The following VPS54 variants were observed in gnomAD, a reference collection of about 807,000 sequenced individuals.
VPS54 encodes vacuolar protein sorting-associated protein 54.
A neutral mutation model predicts 121.5 loss-of-function variants in VPS54; 45 were observed. The ratio of observed to expected loss-of-function variants is 0.37; its 90% CI spans 0.29 to 0.47. VPS54 has a LOEUF of 0.47. Ranked by LOEUF, VPS54 falls within the 20% of genes least tolerant of loss-of-function variation. The pLI, the probability that VPS54 is intolerant of heterozygous loss-of-function variation, is 0.99. For missense variants in VPS54, 1,090 were observed against 1,131.4 expected (o/e 0.96, Z 0.52); for synonymous variants, 371 against 385.8 (o/e 0.96, Z 0.45).
At chr2:63,971,509 G>C (rs1279539007) in intron 4 of VPS54, among the ~76,000 whole-genome samples, 2 of 152,218 alleles carry the variant, frequency 1.3e-5, no homozygotes, top group African/African-American at 4.8e-5. Flanking sequence ...ACAGTTCCTT[G>C]AATATTCTGT....
intron 1 of VPS54, among the ~76,000 whole-genome samples, chr2:63,997,443 T>C (rs910289633): frequency 2.6e-5 from 4 of 152,208 alleles, no homozygotes; most frequent in African/African-American, 4.8e-5. Flanking sequence ...TGTACGTATA[T>C]AGGAATTTAT....
chr2:63,915,871 G>A (rs990459792), intron 16 of VPS54, among the ~76,000 whole-genome samples: 3 of 152,032 alleles, frequency 2.0e-5, no homozygotes, highest in Non-Finnish European at 4.4e-5. Flanking sequence ...AAATAAAAAC[G>A]GTAAGACCTC....
intron 7 of VPS54, among the ~76,000 whole-genome samples, chr2:63,961,013 C>G (rs1015385816): frequency 6.6e-6 from 1 of 152,196 alleles, no homozygotes; most frequent in South Asian, 2.1e-4. Flanking sequence ...CCCCTAAGGT[C>G]AGAGCTCCAC....
chr2:64,001,133 A>G (rs945252710), intron 1 of VPS54, among the ~76,000 whole-genome samples: 3 of 152,184 alleles, frequency 2.0e-5, no homozygotes, highest in Admixed American at 6.5e-5. Flanking sequence ...CCACAGGCAG[A>G]GGAGCCTCAC....
In VPS54 at chr2:63,919,994, G is replaced by A. The variant is rs745833234; in HGVS notation, c.2053C>T (p.Leu685Phe). 8.1e-6 allele frequency: 13 copies of A among 1,607,940 alleles called. No homozygotes were observed. The highest frequency in any genetic ancestry group is 4.2e-6 in the Non-Finnish European group (5 of 1,176,748). The part of the protein sequence containing the change: ...FHEERKTKLS[L>F]LLDNERWKQA... ...TTCCAGCGCTCATTGTCTAAGAGGA[G>A]GCTAGTCCACAGTAAGGAGAAAAGA... Residue 685 changes from leucine (L) to phenylalanine (F), a missense_variant and splice_region_variant, in exon 15 of 23, where the codon CTC (leucine) becomes TTC (phenylalanine). By Grantham distance (22) the Leu-to-Phe change is conservative. Transcript: ENST00000272322.
intron 20 of VPS54, among the ~76,000 whole-genome samples, chr2:63,906,024 A>C (rs1371322563): frequency 6.6e-6 from 1 of 152,168 alleles, no homozygotes. Flanking sequence ...GAACAGAAAG[A>C]ATCTTCCTTA....
At chr2:63,932,814 C>T (rs1445896476) in intron 12 of VPS54, among the ~76,000 whole-genome samples, 6 of 151,948 alleles carry the variant, frequency 3.9e-5, no homozygotes, top group Non-Finnish European at 8.8e-5. Flanking sequence ...ATTACTGGGT[C>T]AATTGGTAAA....
intron 11 of VPS54, among the ~76,000 whole-genome samples, chr2:63,934,938 T>C (rs1026451221): frequency 6.6e-6 from 1 of 152,210 alleles, no homozygotes; most frequent in East Asian, 1.9e-4. Flanking sequence ...GTCTTACAAC[T>C]GTTTCTCCCT....
intron 1 of VPS54, among the ~76,000 whole-genome samples, chr2:63,990,997 A>G (rs1472399721): frequency 1.3e-5 from 2 of 152,180 alleles, no homozygotes; most frequent in Non-Finnish European, 2.9e-5. Flanking sequence ...ACAATTTCGT[A>G]TCTGGTGGTC....
At chr2:63,952,851 A>C (rs1675316372) in intron 7 of VPS54, among the ~76,000 whole-genome samples, 1 of 152,208 alleles carries the variant, frequency 6.6e-6, no homozygotes, top group African/African-American at 2.4e-5. Context: ...CTCACTTCTT[A>C]GAATCTGTCT....
intron 10 of VPS54, among the ~76,000 whole-genome samples, chr2:63,942,772 T>A (rs776001017): frequency 1.3e-5 from 2 of 152,150 alleles, no homozygotes; most frequent in African/African-American, 2.4e-5. Flanking sequence ...ATATCATATA[T>A]CAATTTCATA....
intron 12 of VPS54, among the ~76,000 whole-genome samples, chr2:63,931,004 G>A (rs1674168910): frequency 6.6e-6 from 1 of 150,676 alleles, no homozygotes; most frequent in Admixed American, 6.6e-5. Context: ...ACTGCTCAAG[G>A]AAATAAGAGA....
rs551381671 is a variant in VPS54, at chr2:63,919,998, A to G, written c.2052-3T>C. The G allele has an allele frequency of 6.8e-6, 11 of 1,606,640 alleles. No individual in the cohort carries two copies. Among genetic ancestry groups the G allele is most frequent in the African/African-American group, 6.7e-5 (5 of 74,754 alleles). ...AGCGCTCATTGTCTAAGAGGAGGCT[A>G]GTCCACAGTAAGGAGAAAAGAAGGT... On this transcript the variant is annotated splice_polypyrimidine_tract_variant and splice_region_variant and intron_variant, in intron 14 of 22. Coordinates refer to ENST00000272322, the MANE Select transcript of VPS54 (RefSeq NM_016516.3).
At chr2:63,972,885 A>T (rs754515701) in intron 3 of VPS54, among the ~76,000 whole-genome samples, 6 of 152,146 alleles carry the variant, frequency 3.9e-5, no homozygotes, top group Admixed American at 2.0e-4. Context: ...CACAAAAAAA[A>T]AGAAAAAAAG....
chr2:63,998,302 T>C (rs1004753878), intron 1 of VPS54, among the ~76,000 whole-genome samples: 2 of 152,214 alleles, frequency 1.3e-5, no homozygotes, highest in Non-Finnish European at 2.9e-5. Flanking sequence ...TGTGTCTTTA[T>C]AGGTGAAGTG....
rs1273420057 is a variant in VPS54, at chr2:63,933,650, T to G, written c.1739+23A>C. The G allele has an allele frequency of 1.9e-6, 3 of 1,586,278 alleles. No individual in the cohort carries two copies. The African/African-American group carries it at 4.0e-5, about 21-fold the overall frequency. On this transcript the variant is annotated intron_variant, in intron 12 of 22. Coordinates refer to ENST00000272322, the MANE Select transcript of VPS54 (RefSeq NM_016516.3). ...TAAGATGACTCAAAATCTTGTCAAT[T>G]TGGCAGTAGCCACTATACTCACATA...
chr2:63,928,024 A>C (rs1673996425), intron 12 of VPS54, among the ~76,000 whole-genome samples: 1 of 152,228 alleles, frequency 6.6e-6, no homozygotes, highest in Admixed American at 6.5e-5. Context: ...GAAAAGACCA[A>C]ATCTACGTTT....
intron 7 of VPS54, among the ~76,000 whole-genome samples, chr2:63,957,819 T>A (rs1311949277): frequency 1.3e-5 from 2 of 152,184 alleles, no homozygotes; most frequent in Admixed American, 6.5e-5. Context: ...ACCAGGCTTC[T>A]CAATTATGGT....
chr2:63,924,374 T>C (rs1218707259), intron 12 of VPS54, among the ~76,000 whole-genome samples: 1 of 151,970 alleles, frequency 6.6e-6, no homozygotes, highest in Non-Finnish European at 1.5e-5. Context: ...TGCTTGTTTT[T>C]AAAAAGAAAG....
Sources: gnomAD v4.1 joint callset for allele counts (sites outside exome capture counted in the v4.1 genomes callset) on GRCh38, gnomAD v4.1.1 for gene constraint, MANE v1.5 for transcripts, NCBI Gene and HGNC (gene_info 2026-07-23, HGNC 2026-07-21) for gene names.